FNDC7: variants seen among roughly 807,000 people sequenced by gnomAD.
The protein encoded by FNDC7 is fibronectin type III domain containing 7.
Under a neutral mutation model 74.2 loss-of-function variants are expected in FNDC7, and 66 were observed. The observed-to-expected ratio is 0.89, with a 90% confidence interval of 0.73 to 1.09. The LOEUF (loss-of-function observed/expected upper bound fraction) is 1.09. FNDC7 is among the 50% of genes least tolerant of loss of function. The probability of loss-of-function intolerance (pLI) is 0.00; values close to 1 mark genes in which losing one functional copy is unlikely to be tolerated. For synonymous variants in FNDC7, 307 were observed against 330.2 expected, an observed-to-expected ratio of 0.93 and a Z score of 0.76; for missense variants, 829 against 893.4, an observed-to-expected ratio of 0.93 and a Z score of 0.92.
chr1:108,713,549 A>G lies in FNDC7; in HGVS notation c.82+20A>G. The G allele has an allele frequency of 6.5e-7, 1 of 1,538,852 alleles. No homozygotes were observed. Among genetic ancestry groups the G allele is most frequent in the Non-Finnish European group, 8.8e-7 (1 of 1,142,592 alleles). On this transcript the variant is annotated intron_variant, in intron 2 of 12. Coordinates refer to ENST00000370017, the MANE Select transcript of FNDC7 (RefSeq NM_001144937.3). The stretch of plus-strand genomic sequence containing the variant: ...AATCAGGTACAATTTTCTGACCTGC[A>G]AGTTTTTCCTTCTCGTATTTGATTT...
At chr1:108,714,577 G>A (rs1434500181) in intron 2 of FNDC7, among the ~76,000 whole-genome samples, 1 of 150,080 alleles carries the variant, frequency 6.7e-6, no homozygotes, top group African/African-American at 2.4e-5. Flanking sequence ...AACTATAGGA[G>A]GGTCTGCTTG....
chr1:108,728,509 C>A, intron 7 of FNDC7, 123 bp from the exon 8 acceptor site: 1 of 1,124,378 alleles, frequency 8.9e-7, no homozygotes, highest in Non-Finnish European at 1.3e-6. Flanking sequence ...GAATTTGGCC[C>A]GCATGCATGA....
intron 5 of FNDC7, among the ~76,000 whole-genome samples, chr1:108,724,028 G>A (rs1048847887): frequency 2.0e-5 from 3 of 152,200 alleles, no homozygotes; most frequent in Admixed American, 2.0e-4. Context: ...TACAAACTAC[G>A]GTGTGTCTCC....
At chr1:108,725,173 C>A (rs1239486525) in intron 5 of FNDC7, among the ~76,000 whole-genome samples, 1 of 152,022 alleles carries the variant, frequency 6.6e-6, no homozygotes, top group African/African-American at 2.4e-5. Context: ...TACAGATAAA[C>A]CCCCAGAAAG....
In FNDC7 at chr1:108,718,990, C is replaced by T. The variant is rs1317171352; in HGVS notation, c.539C>T (p.Ala180Val). 1 of 1,552,076 alleles carries T rather than the reference C, an allele frequency of 6.4e-7. No homozygotes were observed. The highest frequency in any genetic ancestry group is 2.4e-5 in the East Asian group (1 of 40,908). The change falls in exon 4 of 13, where the codon GCC becomes GTC. Residue 180 changes from alanine (A) to valine (V), a missense_variant. Transcript: ENST00000370017. ...LEAGTLYTIK[A>V]YAWNANRIPG... ...GCCGGAACTCTCTACACCATAAAGG[C>T]CTATGCATGGAATGCCAACAGAATC...
In FNDC7 at chr1:108,730,536, AT is replaced by A. The variant is rs1472594089; in HGVS notation, c.1625-132del. On this transcript the variant is annotated intron_variant, in intron 8 of 12. Coordinates refer to ENST00000370017, the MANE Select transcript of FNDC7 (RefSeq NM_001144937.3). ...CATCAGAGGGAATGAACAAAAGGAA[AT>A]TTTTTATTAACAATGGAAAGTTGGG... 13 of 1,002,222 alleles carry A rather than the reference AT, an allele frequency of 1.3e-5. No individual in the cohort carries two copies. In the African/African-American group the frequency reaches 2.0e-4, roughly 15 times the overall value. 62.1% of individuals were successfully genotyped at this position (1,002,222 alleles called of 1,614,324 possible). A position where few individuals can be genotyped will look rare whatever the true frequency, so the allele number is the denominator to read the frequency against.
intron 11 of FNDC7, 25 bp from the exon 12 acceptor site, chr1:108,741,748 T>G: frequency 6.2e-7 from 1 of 1,612,470 alleles, no homozygotes; most frequent in East Asian, 2.2e-5. Context: ...CATCTTTTAC[T>G]GCTTCCCTTC....
chr1:108,727,154 G>T (rs1218367485), intron 6 of FNDC7, among the ~76,000 whole-genome samples: 1 of 152,124 alleles, frequency 6.6e-6, no homozygotes, highest in Non-Finnish European at 1.5e-5. Context: ...GAGAAACTCT[G>T]TCTCTGCTAA....
intron 2 of FNDC7, among the ~76,000 whole-genome samples, chr1:108,714,448 G>T (rs992381069): frequency 3.3e-5 from 5 of 152,084 alleles, no homozygotes; most frequent in Admixed American, 6.6e-5. Context: ...AGCCAAGATG[G>T]GAGGATTGCT....
chr1:108,729,786 T>C (rs961773332), intron 8 of FNDC7, among the ~76,000 whole-genome samples: 1 of 152,146 alleles, frequency 6.6e-6, no homozygotes, highest in African/African-American at 2.4e-5. Context: ...TTATATACAG[T>C]GATAGATGGC....
chr1:108,730,650 TC>T, intron 8 of FNDC7, 23 bp from the exon 9 acceptor site: 1 of 1,482,738 alleles, frequency 6.7e-7, no homozygotes, highest in South Asian at 1.4e-5. Context: ...AATCTCCAAT[TC>T]TTTTTCTTTT....
chr1:108,725,672 T>C, intron 5 of FNDC7, 78 bp from the exon 6 acceptor site: 4 of 1,498,906 alleles, frequency 2.7e-6, no homozygotes, highest in Non-Finnish European at 3.6e-6. Context: ...TTGGGTTGTA[T>C]TGAAATCTTG....
At position 108,728,057 on chromosome 1, in the gene FNDC7, T is replaced by G. The variant is rs574400244; in HGVS notation, c.1361T>G (p.Ile454Arg). The change falls in exon 7 of 13, where the codon ATA becomes AGA. Residue 454 changes from isoleucine (I) to arginine (R), a missense_variant. Ile to Arg is a moderately conservative substitution (Grantham distance 97). Transcript: ENST00000370017. ...AATATGTCATGTACTCCCCAGTTCA[T>G]AACCACAGGTAAGGCACAGCTATCA... is the stretch of plus-strand genomic sequence containing the variant. ...GSNMSCTPQF[I>R]TTAPCSPEIK... is the part of the protein sequence containing the mutation. The G allele has an allele frequency of 5.0e-5, 81 of 1,613,258 alleles. No individual in the cohort carries two copies. The South Asian group carries it at 8.8e-4, about 18-fold the overall frequency.
intron 11 of FNDC7, among the ~76,000 whole-genome samples, chr1:108,738,650 T>C (rs1438380975): frequency 1.3e-5 from 2 of 149,828 alleles, no homozygotes; most frequent in African/African-American, 4.9e-5. Flanking sequence ...CGGGGCTGGC[T>C]CCCCACCCAC....
intron 10 of FNDC7, among the ~76,000 whole-genome samples, chr1:108,735,366 A>G (rs939246447): frequency 6.6e-6 from 1 of 152,126 alleles, no homozygotes; most frequent in African/African-American, 2.4e-5. Flanking sequence ...CACTGGTCCA[A>G]TTGTGTTACT....
chr1:108,712,953 C>A lies in FNDC7; in HGVS notation c.20C>A (p.Thr7Lys). MAGGRE[T>K]CLPLIGFILI... ...AACAGGATGGCTGGTGGACGAGAGA[C>A]ATGTTTGCCTTTGATTGGATTCATT... Residue 7 changes from threonine to lysine, a missense_variant, in exon 1 of 13, where the codon ACA becomes AAA. Coordinates refer to ENST00000370017, the MANE Select transcript of FNDC7 (RefSeq NM_001144937.3). 6.4e-7 allele frequency: 1 copy of A among 1,551,654 alleles called. No individual in the cohort carries two copies. The highest frequency in any genetic ancestry group is 8.7e-7 in the Non-Finnish European group (1 of 1,146,970).
chr1:108,736,946 C>T (rs1448557815), intron 10 of FNDC7, among the ~76,000 whole-genome samples: 2 of 150,418 alleles, frequency 1.3e-5, no homozygotes, highest in Non-Finnish European at 3.0e-5. Flanking sequence ...TTACAACAAA[C>T]CTATCAGCTT....
chr1:108,735,732 A>G (rs1661498398), intron 10 of FNDC7, among the ~76,000 whole-genome samples: 1 of 152,216 alleles, frequency 6.6e-6, no homozygotes, highest in South Asian at 2.1e-4. Context: ...TTTAGTTCAA[A>G]CTAGCCATAT....
At chr1:108,727,250 A>G (rs1486576998) in intron 6 of FNDC7, among the ~76,000 whole-genome samples, 1 of 152,150 alleles carries the variant, frequency 6.6e-6, no homozygotes, top group Non-Finnish European at 1.5e-5. Flanking sequence ...ACTTGAACCC[A>G]GGAAGCAGAG....
Sources: gnomAD v4.1 joint callset for allele counts (sites outside exome capture counted in the v4.1 genomes callset) on GRCh38, gnomAD v4.1.1 for gene constraint, MANE v1.5 for transcripts, NCBI Gene and HGNC (gene_info 2026-07-23, HGNC 2026-07-21) for gene names.